Variants in AKAP1 observed in about 807,000 individuals in gnomAD.
The protein encoded by AKAP1 is A-kinase anchoring protein 1.
Under a neutral mutation model 79.8 loss-of-function variants are expected in AKAP1, and 32 were observed. That is an observed-to-expected ratio of 0.40 (90% CI 0.30 to 0.54). The LOEUF (loss-of-function observed/expected upper bound fraction) is 0.54. Ranked by LOEUF, AKAP1 falls within the 20% of genes least tolerant of loss-of-function variation. The probability of loss-of-function intolerance (pLI) is 0.47; values close to 1 mark genes in which losing one functional copy is unlikely to be tolerated. For missense variants in AKAP1, 961 were observed against 1,138.9 expected, an observed-to-expected ratio of 0.84 and a Z score of 2.25; for synonymous variants, 416 against 466.7, an observed-to-expected ratio of 0.89 and a Z score of 1.40.
intron 8 of AKAP1, among the ~76,000 whole-genome samples, chr17:57,117,411 G>A (rs1212356218): frequency 2.0e-5 from 3 of 152,180 alleles, no homozygotes; most frequent in African/African-American, 7.2e-5. Flanking sequence ...CATGGGAATG[G>A]TACCTGTCTT....
chr17:57,089,683 T>C (rs1913665737), intron 1 of AKAP1, among the ~76,000 whole-genome samples: 1 of 152,216 alleles, frequency 6.6e-6, no homozygotes, highest in Non-Finnish European at 1.5e-5. Context: ...TGTTTGAGCT[T>C]AGTCTTCCAG....
chr17:57,106,478 G>A lies in AKAP1; in HGVS notation c.1014G>A (p.Leu338=). ...GCTTGGATAGAAATGAGGAGGGCTT[G>A]GATAGAAATGAGGAGATTAAGCGGG... ...EESLDRNEEG[L]DRNEEIKRAA... The change falls in exon 2 of 11, where the codon TTG becomes TTA. Residue 338 remains leucine (L), a synonymous_variant. Coordinates refer to ENST00000337714, the MANE Select transcript of AKAP1 (RefSeq NM_003488.4). The A allele has an allele frequency of 1.2e-6, 2 of 1,613,942 alleles. No individual in the cohort carries two copies. The highest frequency in any genetic ancestry group is 1.7e-6 in the Non-Finnish European group (2 of 1,179,948).
At chr17:57,119,998 G>A (rs1388741975) in intron 10 of AKAP1, among the ~76,000 whole-genome samples, 3 of 151,812 alleles carry the variant, frequency 2.0e-5, no homozygotes, top group East Asian at 3.9e-4. Context: ...GCTAATTTTT[G>A]TATGTTTAAT....
chr17:57,102,638 T>C (rs1325735774), intron 1 of AKAP1, among the ~76,000 whole-genome samples: 1 of 150,290 alleles, frequency 6.7e-6, no homozygotes, highest in Non-Finnish European at 1.5e-5. Flanking sequence ...CTCTCTCTCT[T>C]TTTTTTTTGT....
rs1218054679 is a variant in AKAP1 at position 57,105,708 on chromosome 17, C to A, written c.244C>A (p.Leu82Met). ...TGTCACAGAGCCTCCAGAAAAGGAA[C>A]TGTCCACCGTGAGCAAGCTGCCTGC... ...PSVTEPPEKE[L>M]STVSKLPAEP... Residue 82 changes from leucine (L) to methionine (M), a missense_variant, in exon 2 of 11, where the codon CTG becomes ATG. Leu to Met is a conservative substitution (Grantham distance 15). This residue lies in a region of AKAP1 where 108 missense variants were observed against 147.6 expected (regional missense o/e 0.73). Coordinates refer to ENST00000337714, the MANE Select transcript of AKAP1 (RefSeq NM_003488.4). 4.3e-6 allele frequency: 7 copies of A among 1,614,088 alleles called. No homozygotes were observed. In the Admixed American group the frequency reaches 8.3e-5, roughly 19 times the overall value.
intron 8 of AKAP1, among the ~76,000 whole-genome samples, chr17:57,117,163 A>G (rs1442916200): frequency 6.6e-6 from 1 of 152,186 alleles, no homozygotes; most frequent in Non-Finnish European, 1.5e-5. Flanking sequence ...CTGTACTCAG[A>G]CCTCAGGCAT....
intron 6 of AKAP1, among the ~76,000 whole-genome samples, chr17:57,115,106 A>G (rs1264702343): frequency 3.3e-5 from 5 of 152,178 alleles, no homozygotes; most frequent in Non-Finnish European, 7.3e-5. Flanking sequence ...TCCATTTAAC[A>G]GATGAGAAAA....
chr17:57,100,100 G>A (rs1029343125), intron 1 of AKAP1, among the ~76,000 whole-genome samples: 1 of 152,186 alleles, frequency 6.6e-6, no homozygotes, highest in African/African-American at 2.4e-5. Flanking sequence ...GCCAATTAGA[G>A]TCTGCGGCCT....
In AKAP1 at chr17:57,112,543, A is replaced by G. The variant is rs750094595; in HGVS notation, c.2028A>G (p.Lys676=). 6.2e-7 allele frequency: 1 copy of G among 1,614,176 alleles called. No individual in the cohort carries two copies. The highest frequency in any genetic ancestry group is 1.7e-5 in the Admixed American group (1 of 60,026). ...TGAACTTGATTGGGAAGAAGTTCAA[A>G]GAGCTGAACCTCACCAATATCTACG... ...KALNLIGKKF[K]ELNLTNIYAP... is the part of the protein sequence containing the mutation. Residue 676 remains lysine (K), a synonymous_variant, in exon 5 of 11, where the codon AAA becomes AAG. Coordinates refer to ENST00000337714, the MANE Select transcript of AKAP1 (RefSeq NM_003488.4).
intron 1 of AKAP1, among the ~76,000 whole-genome samples, chr17:57,091,844 A>T (rs899816856): frequency 2.0e-5 from 3 of 151,862 alleles, no homozygotes; most frequent in Non-Finnish European, 2.9e-5. Context: ...GCACATCATG[A>T]TGCCTGGCTA....
At chr17:57,088,917 C>T (rs1024777470) in intron 1 of AKAP1, among the ~76,000 whole-genome samples, 1 of 152,112 alleles carries the variant, frequency 6.6e-6, no homozygotes, top group Non-Finnish European at 1.5e-5. Flanking sequence ...TTCACCGAGC[C>T]AGGTGTCACT....
At chr17:57,108,105 A>T in intron 2 of AKAP1, 1 of 1,007,218 alleles carries the variant, frequency 9.9e-7, no homozygotes, top group Non-Finnish European at 1.3e-6. Context: ...CATTTATCTC[A>T]TGGAGAGAGG....
rs1332699223 is a variant in AKAP1 at position 57,116,861 on chromosome 17, T to A, written c.2434T>A (p.Ser812Thr). ...CTTGTTCCTTTCTTGCCTTCCCAGGTCTGACTTTGTCACCCTGCCGTTTCA... is the reference window on the plus strand; with the variant it reads ...CTTGTTCCTTTCTTGCCTTCCCAGGACTGACTTTGTCACCCTGCCGTTTCA... ...VKVDVLRQIR[S>T]DFVTLPFQGA... is the part of the protein sequence containing the mutation. The change falls in exon 8 of 11, where the codon TCT (serine) becomes ACT (threonine). Residue 812 changes from serine (S) to threonine (T), a missense_variant and splice_region_variant. By Grantham distance (58) the Ser-to-Thr change is moderately conservative (BLOSUM62 1). Coordinates refer to ENST00000337714, the MANE Select transcript of AKAP1 (RefSeq NM_003488.4). 2 of 1,614,148 alleles carry A rather than the reference T, an allele frequency of 1.2e-6. No homozygotes were observed.
chr17:57,112,216 CAGAA>C (rs1376848220), intron 4 of AKAP1, among the ~76,000 whole-genome samples: 1 of 152,148 alleles, frequency 6.6e-6, no homozygotes, highest in East Asian at 1.9e-4. Context: ...TCTCTCAAAG[CAGAA>C]GTGCCCTGTG....
At chr17:57,107,279 G>C (rs1331372864) in intron 2 of AKAP1, 101 bp downstream of exon 2, 2 of 1,479,672 alleles carry the variant, frequency 1.4e-6, no homozygotes, top group African/African-American at 2.8e-5. Context: ...GTGCAGCAAA[G>C]TCATAGTGCT....
chr17:57,088,029 C>T lies in AKAP1; in HGVS notation c.-25+2631C>T, dbSNP rs563483166. Among the ~76,000 whole-genome samples the T allele has an allele frequency of 9.9e-5, 15 of 152,244 alleles. 1 individual carries two copies. Among genetic ancestry groups the T allele is most frequent in the South Asian group, 8.3e-4 (4 of 4,824 alleles). ...ATACCTTCAGCTTGTCATTCTCAGG[C>T]GTTTTCTTCCACTATGGGGAGGTAG... On this transcript the variant is annotated intron_variant, in intron 1 of 10. Transcript: ENST00000337714.
chr17:57,102,839 C>A (rs1914609762), intron 1 of AKAP1, among the ~76,000 whole-genome samples: 1 of 152,164 alleles, frequency 6.6e-6, no homozygotes, highest in African/African-American at 2.4e-5. Flanking sequence ...GTCATCCCAG[C>A]ACTTTGGGAG....
At position 57,118,311 on chromosome 17, in the gene AKAP1, C is replaced by T. The variant is rs143933412; in HGVS notation, c.2501-70C>T. 582 of 1,442,538 alleles carry T rather than the reference C, an allele frequency of 4.0e-4. 1 individual carries two copies. In the African/African-American group the frequency reaches 6.9e-3, roughly 17 times the overall value. The allele number at this position is 1,442,538 out of a possible 1,614,324, so 89.4% of individuals were successfully genotyped here. Reference sequence around the variant, plus strand: ...CATTCTACTTGGAATGCACCTGAAACTTGTGTACATGACAAGGGTGCCTTG... The same window carrying T: ...CATTCTACTTGGAATGCACCTGAAATTTGTGTACATGACAAGGGTGCCTTG... On this transcript the variant is annotated intron_variant, in intron 8 of 10. Transcript: ENST00000337714.
At chr17:57,097,840 C>T (rs550997803) in intron 1 of AKAP1, among the ~76,000 whole-genome samples, 1 of 152,244 alleles carries the variant, frequency 6.6e-6, no homozygotes, top group African/African-American at 2.4e-5. Flanking sequence ...CAGGCCCAAG[C>T]CCACATTGGG....
Sources: allele counts gnomAD v4.1 joint callset (sites outside exome capture counted in the v4.1 genomes callset), GRCh38; gene constraint gnomAD v4.1.1; regional missense constraint gnomAD v4.1.1; transcripts MANE v1.5; gene names NCBI Gene and HGNC (gene_info 2026-07-23, HGNC 2026-07-21).